The following ITPRID1 variants were observed in gnomAD, a reference collection of about 807,000 sequenced individuals.
The protein encoded by ITPRID1 is protein ITPRID1.
ITPRID1 carries 96 observed loss-of-function variants against 95.4 expected under a neutral mutation model. That is an observed-to-expected ratio of 1.01 (90% CI 0.85 to 1.19). The LOEUF (loss-of-function observed/expected upper bound fraction) is 1.19, where lower values mean the gene tolerates loss of function less well. ITPRID1 is among the 50% of genes most tolerant of loss of function. ITPRID1 has a pLI of 0.00. For synonymous variants in ITPRID1, 510 were observed against 453.6 expected (o/e 1.12, Z -1.58); for missense variants, 1,339 against 1,252.9 (o/e 1.07, Z -1.04).
chr7:31,518,618 G>T (rs527766720), intron 1 of ITPRID1, among the ~76,000 whole-genome samples: 20 of 152,166 alleles, frequency 1.3e-4, no homozygotes, highest in African/African-American at 4.8e-4. Context: ...AGGAAAAAGC[G>T]GTATAATTAG....
intron 5 of ITPRID1, among the ~76,000 whole-genome samples, chr7:31,555,832 T>G (rs1229685996): frequency 3.9e-5 from 6 of 152,210 alleles, no homozygotes; most frequent in Non-Finnish European, 8.8e-5. Flanking sequence ...TTTGAATTTT[T>G]TTACTACTTT....
intron 10 of ITPRID1, among the ~76,000 whole-genome samples, chr7:31,618,014 G>A (rs758289874): frequency 8.5e-5 from 13 of 152,162 alleles, no homozygotes; most frequent in South Asian, 2.1e-4. Context: ...CTGTCAGAGC[G>A]TTTCCAGTAG....
chr7:31,527,341 C>A (rs936315704), intron 1 of ITPRID1, among the ~76,000 whole-genome samples: 2 of 152,160 alleles, frequency 1.3e-5, no homozygotes, highest in Admixed American at 1.3e-4. Flanking sequence ...GAGACCTTAG[C>A]CCTAGTATGC....
intron 10 of ITPRID1, among the ~76,000 whole-genome samples, chr7:31,620,104 G>A (rs1316146574): frequency 1.3e-5 from 2 of 152,174 alleles, no homozygotes; most frequent in African/African-American, 4.8e-5. Flanking sequence ...AAGCAGCCGG[G>A]AAGCTCCAAC....
intron 10 of ITPRID1, among the ~76,000 whole-genome samples, chr7:31,614,425 TAAAC>T (rs1346128867): frequency 1.3e-5 from 2 of 152,268 alleles, no homozygotes; most frequent in Non-Finnish European, 2.9e-5. Context: ...TTCTAGTAAT[TAAAC>T]AAATATTTAT....
chr7:31,585,334 A>T (rs1017075388), intron 10 of ITPRID1, among the ~76,000 whole-genome samples: 11 of 152,190 alleles, frequency 7.2e-5, no homozygotes, highest in African/African-American at 4.8e-5. Context: ...CAGAAAAATT[A>T]TGTTTAAGCA....
intron 10 of ITPRID1, among the ~76,000 whole-genome samples, chr7:31,638,767 CTTTT>C (rs1434731986): frequency 2.6e-5 from 4 of 151,864 alleles, no homozygotes; most frequent in Non-Finnish European, 4.4e-5. Context: ...ATTTTTCTTT[CTTTT>C]GTTTTTCGTT....
At chr7:31,575,011 G>A (rs539624352) in intron 8 of ITPRID1, among the ~76,000 whole-genome samples, 29 of 152,300 alleles carry the variant, frequency 1.9e-4, no homozygotes, top group African/African-American at 5.5e-4. Flanking sequence ...CAATGATAGC[G>A]AAAGATAGAA....
chr7:31,648,476 A>G (rs1790675812), intron 12 of ITPRID1, among the ~76,000 whole-genome samples: 1 of 152,166 alleles, frequency 6.6e-6, no homozygotes. Flanking sequence ...CCATGTTTCC[A>G]AATAACCAGA....
chr7:31,586,374 C>G (rs1022526898), intron 10 of ITPRID1, among the ~76,000 whole-genome samples: 1 of 151,406 alleles, frequency 6.6e-6, no homozygotes, highest in African/African-American at 2.4e-5. Flanking sequence ...ATGGCTGGGT[C>G]AAATGGTATT....
intron 10 of ITPRID1, among the ~76,000 whole-genome samples, chr7:31,639,698 G>A (rs564146309): frequency 4.0e-5 from 6 of 151,502 alleles, no homozygotes; most frequent in Admixed American, 6.6e-5. Flanking sequence ...CACCATGCCC[G>A]GCTAATTTTT....
chr7:31,531,880 G>T (rs1218257586), intron 1 of ITPRID1, among the ~76,000 whole-genome samples: 1 of 151,686 alleles, frequency 6.6e-6, no homozygotes. Context: ...AGGTTTTTGG[G>T]TCAGGGAGAT....
intron 12 of ITPRID1, among the ~76,000 whole-genome samples, chr7:31,646,447 G>A (rs952164889): frequency 6.6e-6 from 1 of 152,170 alleles, no homozygotes; most frequent in African/African-American, 2.4e-5. Context: ...GCTGGAAAGA[G>A]TAAGAGGTGG....
chr7:31,600,211 G>A (rs751036279), intron 10 of ITPRID1, among the ~76,000 whole-genome samples: 2 of 152,178 alleles, frequency 1.3e-5, no homozygotes, highest in Admixed American at 1.3e-4. Context: ...GGAGGTTTAA[G>A]AGTTCATATA....
chr7:31,577,558 T>C (rs745340273), intron 8 of ITPRID1, among the ~76,000 whole-genome samples: 1 of 152,244 alleles, frequency 6.6e-6, no homozygotes, highest in Admixed American at 6.5e-5. Context: ...GATTCACCGA[T>C]GCCTACCGTT....
chr7:31,615,867 C>A (rs1389312009), intron 10 of ITPRID1, among the ~76,000 whole-genome samples: 1 of 151,982 alleles, frequency 6.6e-6, no homozygotes, highest in Admixed American at 6.6e-5. Context: ...CAATCTCCTG[C>A]CTCAGCCTCC....
At position 31,652,024 on chromosome 7, in the gene ITPRID1, C is replaced by T. The variant is rs761551734; in HGVS notation, c.2797C>T (p.Gln933Ter). 2 of 1,601,990 alleles carry T rather than the reference C, an allele frequency of 1.2e-6. No homozygotes were observed. The highest frequency in any genetic ancestry group is 2.7e-5 in the African/African-American group (2 of 74,830). ...GGAATTTCAGTTAGGAGACCGGGCT[C>T]AGCAAATCAGAGAAGGGATTTTACT... is the stretch of plus-strand genomic sequence containing the variant. ...ELEFQLGDRA[Q>*]QIREGILLQL... is the part of the protein sequence containing the mutation. The change falls in exon 14 of 15, where the codon CAG becomes TAG. Residue 933 changes from glutamine to a stop codon, truncating the protein, a stop_gained. Coordinates refer to ENST00000615280, the MANE Select transcript of ITPRID1 (RefSeq NM_001257967.3). LOFTEE classifies it low-confidence loss of function (END_TRUNC).
chr7:31,623,453 C>T (rs899762440), intron 10 of ITPRID1, among the ~76,000 whole-genome samples: 127 of 151,516 alleles, frequency 8.4e-4, no homozygotes, highest in African/African-American at 2.7e-3. Context: ...GTTCAATATA[C>T]GCAAATCAAT....
chr7:31,630,673 A>G (rs574399871), intron 10 of ITPRID1, among the ~76,000 whole-genome samples: 15 of 152,182 alleles, frequency 9.9e-5, no homozygotes, highest in Non-Finnish European at 1.9e-4. Context: ...AAACAATAAG[A>G]CTAAATATAT....
Sources: allele counts gnomAD v4.1 joint callset (sites outside exome capture counted in the v4.1 genomes callset), GRCh38; gene constraint gnomAD v4.1.1; transcripts MANE v1.5; gene names NCBI Gene and HGNC (gene_info 2026-07-23, HGNC 2026-07-21).